DEPDC4: variants seen among roughly 807,000 people sequenced by gnomAD.
DEPDC4 encodes the protein DEP domain-containing protein 4.
A neutral mutation model predicts 52.0 loss-of-function variants in DEPDC4; 52 were observed. The observed-to-expected ratio is 1.00, with a 90% CI of 0.80 to 1.26. The LOEUF is 1.26. Ranked by LOEUF, DEPDC4 falls within the 50% of genes most tolerant of loss-of-function variation. The pLI is 0.00. For synonymous variants in DEPDC4, 201 were observed against 196.8 expected (o/e 1.02, Z -0.18); for missense variants, 530 against 546.9 (o/e 0.97, Z 0.31).
downstream of DEPDC4, among the ~76,000 whole-genome samples, chr12:100,239,579 C>T (rs143627989): frequency 4.3e-3 from 659 of 152,146 alleles, 3 homozygotes; most frequent in African/African-American, 0.015. Context: ...GAGACAGGGT[C>T]AAACTATATT....
chr12:100,267,045 A>G lies in DEPDC4; in HGVS notation c.32T>C (p.Leu11Pro), dbSNP rs906665269. The change falls in exon 1 of 10, where the codon CTT becomes CCT. Residue 11 changes from leucine to proline, a missense_variant. By Grantham distance (98) the Leu-to-Pro change is moderately conservative. Transcript: ENST00000550587. ...CCTCGGAGTCAAAAGAACCGCCATA[A>G]GCTCGCGCGCTGGCTCCTCCCCTGG... MVPGEEPARE[L>P]MAVLLTPRFR... The G allele has an allele frequency of 6.2e-7, 1 of 1,613,888 alleles. No homozygotes were observed. Among genetic ancestry groups the G allele is most frequent in the African/African-American group, 1.3e-5 (1 of 75,040 alleles).
At chr12:100,248,040 G>T (rs2096193187) in intron 8 of DEPDC4, among the ~76,000 whole-genome samples, 1 of 152,046 alleles carries the variant, frequency 6.6e-6, no homozygotes, top group Non-Finnish European at 1.5e-5. Flanking sequence ...TGCCTACACA[G>T]ATTATTGTGA....
intron 4 of DEPDC4, chr12:100,255,753 G>GA (rs1444754562): frequency 1.9e-4 from 35 of 183,110 alleles, no homozygotes; most frequent in Non-Finnish European, 3.4e-5. Context: ...TAGAAACTGG[G>GA]ATGGTTGCAT....
the DEPDC4 span, among the ~76,000 whole-genome samples, chr12:100,277,186 G>A: frequency 2.0e-5 from 3 of 152,050 alleles, no homozygotes; most frequent in African/African-American, 2.4e-5. Context: ...TGAATGTTAC[G>A]TGTCTACATG....
chr12:100,278,718 C>T, the DEPDC4 span, among the ~76,000 whole-genome samples: 1 of 151,302 alleles, frequency 6.6e-6, no homozygotes, highest in African/African-American at 2.4e-5. Flanking sequence ...CAACCTTCAC[C>T]TCCCGGGTTC....
rs2096262887 is a variant in DEPDC4 at position 100,263,898 on chromosome 12, A to G, written c.158-5T>C. On this transcript the variant is annotated splice_region_variant and splice_polypyrimidine_tract_variant and intron_variant, in intron 1 of 9. Transcript: ENST00000550587. ...CTTGAAAAGGACCAGAGCATCCTGAAAAAAATTAAATATGCATTTCTAACA... is the reference window on the plus strand; with the variant it reads ...CTTGAAAAGGACCAGAGCATCCTGAGAAAAATTAAATATGCATTTCTAACA... The G allele has an allele frequency of 6.3e-7, 1 of 1,578,488 alleles. No homozygotes were observed. The highest frequency in any genetic ancestry group is 8.6e-7 in the Non-Finnish European group (1 of 1,164,322).
chr12:100,239,698 T>A (rs1592863998), downstream of DEPDC4, among the ~76,000 whole-genome samples: 1 of 152,068 alleles, frequency 6.6e-6, no homozygotes, highest in African/African-American at 2.4e-5. Context: ...GCTGAGAATT[T>A]TTTTTCCCCG....
downstream of DEPDC4, chr12:100,238,137 C>A: frequency 1.3e-6 from 1 of 761,904 alleles, no homozygotes; most frequent in Non-Finnish European, 1.6e-6. Context: ...AAAAAATATG[C>A]AGATTAGGGC....
At chr12:100,271,793 TG>T (rs2096287967), upstream of DEPDC4, among the ~76,000 whole-genome samples, 1 of 152,202 alleles carries the variant, frequency 6.6e-6, no homozygotes, top group African/African-American at 2.4e-5. Context: ...CTTGGGAAGC[TG>T]GGGAAAAAAG....
At chr12:100,279,885 A>C in the DEPDC4 span, among the ~76,000 whole-genome samples, 1 of 152,254 alleles carries the variant, frequency 6.6e-6, no homozygotes, top group African/African-American at 2.4e-5. Context: ...CAGGGAACAG[A>C]GCATGAAGGG....
chr12:100,254,211 C>T (rs1030265975), intron 4 of DEPDC4, among the ~76,000 whole-genome samples: 1 of 151,632 alleles, frequency 6.6e-6, no homozygotes, highest in Non-Finnish European at 1.5e-5. Context: ...TTTGGAAGGC[C>T]TTCATTTCTC....
chr12:100,268,380 C>T (rs938486251), upstream of DEPDC4, among the ~76,000 whole-genome samples: 16 of 152,172 alleles, frequency 1.1e-4, no homozygotes, highest in Non-Finnish European at 1.8e-4. Flanking sequence ...CTTGAAGATT[C>T]CTTTTGGACT....
intron 2 of DEPDC4, 124 bp downstream of exon 2, chr12:100,263,372 AT>A: frequency 1.3e-6 from 1 of 786,718 alleles, no homozygotes; most frequent in Non-Finnish European, 1.9e-6. Flanking sequence ...AAGTGGATTA[AT>A]TTTCACATGG....
intron 9 of DEPDC4, among the ~76,000 whole-genome samples, chr12:100,233,308 GATGGAAATATGTATAAA>G (rs1268524897): frequency 6.6e-6 from 1 of 152,114 alleles, no homozygotes; most frequent in African/African-American, 2.4e-5. Context: ...CCCCCTGAAA[GATGGAAATATGTATAAA>G]ATGTTCTCGG....
chr12:100,246,196 C>G (rs577774192), intron 8 of DEPDC4, among the ~76,000 whole-genome samples: 1 of 151,580 alleles, frequency 6.6e-6, no homozygotes, highest in African/African-American at 2.4e-5. Context: ...TAGTGCTTAC[C>G]TATTTTTGCT....
chr12:100,271,953 C>G (rs1354983461), upstream of DEPDC4, among the ~76,000 whole-genome samples: 1 of 152,146 alleles, frequency 6.6e-6, no homozygotes, highest in African/African-American at 2.4e-5. Flanking sequence ...GAAAGAATTG[C>G]CAGTTCCTTT....
At chr12:100,278,837 C>A in the DEPDC4 span, among the ~76,000 whole-genome samples, 3 of 152,110 alleles carry the variant, frequency 2.0e-5, no homozygotes, top group Admixed American at 2.0e-4. Flanking sequence ...TCCATGTTTG[C>A]CAGGATGGTC....
chr12:100,249,159 A>C (rs1023551194), intron 7 of DEPDC4, among the ~76,000 whole-genome samples, 181 bp from the exon 8 acceptor site: 1 of 151,940 alleles, frequency 6.6e-6, no homozygotes, highest in Non-Finnish European at 1.5e-5. Context: ...TTTTTTTAGC[A>C]CTCTTAAAAT....
chr12:100,259,482 C>T (rs370888391), intron 3 of DEPDC4, among the ~76,000 whole-genome samples: 43 of 152,116 alleles, frequency 2.8e-4, no homozygotes, highest in Non-Finnish European at 5.0e-4. Flanking sequence ...AACAAAACGT[C>T]GTAAAGGAAA....
Sources: gnomAD v4.1 joint callset for allele counts (sites outside exome capture counted in the v4.1 genomes callset) on GRCh38, gnomAD v4.1.1 for gene constraint, MANE v1.5 for transcripts, NCBI Gene and HGNC (gene_info 2026-07-23, HGNC 2026-07-21) for gene names.